The following CEP57 variants were observed in gnomAD, a reference collection of about 807,000 sequenced individuals.
CEP57 encodes centrosomal protein 57.
CEP57 carries 40 observed loss-of-function variants against 68.0 expected under a neutral mutation model. The ratio of observed to expected loss-of-function variants is 0.59; its 90% CI spans 0.46 to 0.77. CEP57 has a LOEUF of 0.77. Ranked by LOEUF, CEP57 falls within the 30% of genes least tolerant of loss-of-function variation. CEP57 has a pLI of 0.00. For missense variants in CEP57, 606 were observed against 580.7 expected (o/e 1.04, Z -0.45); for synonymous variants, 219 against 198.7 (o/e 1.10, Z -0.86).
At chr11:95,829,036 C>T (rs1479313955) in intron 9 of CEP57, 151 bp from the exon 10 acceptor site, 8 of 722,370 alleles carry the variant, frequency 1.1e-5, no homozygotes, top group Admixed American at 2.4e-5. Context: ...AGCAAGACTC[C>T]GTCTCAAAAA....
intron 2 of CEP57, among the ~76,000 whole-genome samples, chr11:95,800,476 A>G (rs1174384715): frequency 4.0e-5 from 6 of 151,592 alleles, no homozygotes; most frequent in African/African-American, 1.5e-4. Context: ...GCTCACTGCA[A>G]CCTCCGCCTC....
Position 95,831,128 on chromosome 11 carries a change from A to G in CEP57, c.1375A>G (p.Thr459Ala), listed in dbSNP as rs1215347242. 6.2e-7 allele frequency: 1 copy of G among 1,613,608 alleles called. No individual in the cohort carries two copies. The highest frequency in any genetic ancestry group is 8.5e-7 in the Non-Finnish European group (1 of 1,179,616). The change falls in exon 11 of 11, where the codon ACC becomes GCC. Residue 459 changes from threonine to alanine, a missense_variant. By Grantham distance (58) the Thr-to-Ala change is moderately conservative (BLOSUM62 0). Coordinates refer to ENST00000325542, the MANE Select transcript of CEP57 (RefSeq NM_014679.5). ...CAGCAGCCGTTCTGGAATCACAGGG[A>G]CCACAAATAAGAAAGATTTTATGAA... is the stretch of plus-strand genomic sequence containing the variant. ...NSSSRSGITG[T>A]TNKKDFMKLR... is the part of the protein sequence containing the mutation.
chr11:95,791,128 C>T (rs1037652839), intron 1 of CEP57, among the ~76,000 whole-genome samples: 2 of 152,154 alleles, frequency 1.3e-5, no homozygotes, highest in Admixed American at 6.5e-5. Context: ...GTGAGGCGCG[C>T]CAGTGTGTTT....
At chr11:95,807,521 T>G (rs1237176753) in intron 2 of CEP57, among the ~76,000 whole-genome samples, 3 of 152,102 alleles carry the variant, frequency 2.0e-5, no homozygotes, top group African/African-American at 7.2e-5. Context: ...GAGAAGACCT[T>G]AAATGACCTG....
intron 2 of CEP57, among the ~76,000 whole-genome samples, chr11:95,803,367 A>G (rs1428935389): frequency 1.3e-5 from 2 of 152,218 alleles, no homozygotes; most frequent in Non-Finnish European, 2.9e-5. Context: ...GACATCATCA[A>G]GGATACAGTA....
chr11:95,790,482 G>A (rs1860965588), upstream of CEP57: 1 of 602,740 alleles, frequency 1.7e-6, no homozygotes, highest in East Asian at 2.8e-5. Context: ...AAAGACGTCC[G>A]TTAGGACGTG....
chr11:95,822,872 G>GT, intron 8 of CEP57: 1 of 385,714 alleles, frequency 2.6e-6, no homozygotes, highest in Non-Finnish European at 4.9e-6. Context: ...ATAAGAAATA[G>GT]TATGTTTGTA....
At chr11:95,826,810 C>T (rs1862764874) in intron 8 of CEP57, 2 of 152,076 alleles carry the variant, frequency 1.3e-5, no homozygotes, top group South Asian at 2.1e-4. Flanking sequence ...GTGGTTACAT[C>T]GATTGATTTT....
chr11:95,831,576 C>A lies in CEP57; in HGVS notation c.*320C>A. 5.8e-6 allele frequency: 1 copy of A among 172,948 alleles called. No individual in the cohort carries two copies. 10.7% of individuals were successfully genotyped at this position (172,948 alleles called of 1,614,324 possible). ...GTGGGTGTGATTTTTTAAAATAGTT[C>A]TTTATATATAATTAAAATTAGGTTT... On this transcript the variant is annotated 3_prime_UTR_variant, in exon 11 of 11. Coordinates refer to ENST00000325542, the MANE Select transcript of CEP57 (RefSeq NM_014679.5).
At chr11:95,792,055 T>G (rs1191024559) in intron 1 of CEP57, among the ~76,000 whole-genome samples, 1 of 152,112 alleles carries the variant, frequency 6.6e-6, no homozygotes, top group African/African-American at 2.4e-5. Context: ...TTTGGAGACT[T>G]GTTAGAATTT....
At chr11:95,822,314 G>A in intron 7 of CEP57, 185 bp from the exon 8 acceptor site, 1 of 603,818 alleles carries the variant, frequency 1.7e-6, no homozygotes, top group Non-Finnish European at 2.9e-6. Flanking sequence ...TTTCCCCCCA[G>A]CCTTTCCTAG....
Position 95,831,241 on chromosome 11 carries a change from G to T in CEP57, c.1488G>T (p.Leu496Phe). Residue 496 changes from leucine to phenylalanine, a missense_variant, in exon 11 of 11, where the codon TTG becomes TTT. Coordinates refer to ENST00000325542, the MANE Select transcript of CEP57 (RefSeq NM_014679.5). ...AGAATTCATTACAAAGCAGTAGTTT[G>T]TGTTGGGATTACTGACTCATAACCA... ...SIQNSLQSSS[L>F]CWDY 1.9e-6 allele frequency: 3 copies of T among 1,612,190 alleles called. No individual in the cohort carries two copies. The highest frequency in any genetic ancestry group is 2.5e-6 in the Non-Finnish European group (3 of 1,178,446).
chr11:95,820,579 C>CAAAAAAAAAAAAAA (rs56260498), intron 6 of CEP57, among the ~76,000 whole-genome samples: 7 of 82,402 alleles, frequency 8.5e-5, no homozygotes, highest in Admixed American at 1.4e-4. Context: ...GCAACAAGAG[C>CAAAAAAAAAAAAAA]AAAAAAAAAA....
chr11:95,818,688 C>T (rs1862402946), intron 5 of CEP57, 139 bp from the exon 6 acceptor site: 2 of 669,074 alleles, frequency 3.0e-6, no homozygotes, highest in Non-Finnish European at 5.4e-6. Flanking sequence ...CCATCCAGCT[C>T]ACAGCCTCCA....
intron 2 of CEP57, among the ~76,000 whole-genome samples, chr11:95,801,342 A>G (rs1221792751): frequency 6.6e-6 from 1 of 152,006 alleles, no homozygotes; most frequent in Admixed American, 6.6e-5. Context: ...GAAAATTTTT[A>G]ATTAATGGTT....
rs761875185 is a variant in CEP57 at position 95,812,864 on chromosome 11, ATTCT to A, written c.203-62_203-59del. 14 of 1,399,626 alleles carry A rather than the reference ATTCT, an allele frequency of 1.0e-5. No individual in the cohort carries two copies. In the Admixed American group the frequency reaches 1.8e-4, roughly 18 times the overall value. The allele number at this position is 1,399,626 out of a possible 1,614,324, so 86.7% of individuals were successfully genotyped here. A position where few individuals can be genotyped will look rare whatever the true frequency, so the allele number is the denominator to read the frequency against. ...TTTTATTTTTTATTTAGATGAGTTT[ATTCT>A]TTCTTAATATACTTTCTCCGCATAT... On this transcript the variant is annotated intron_variant, in intron 2 of 10. Coordinates refer to ENST00000325542, the MANE Select transcript of CEP57 (RefSeq NM_014679.5).
Position 95,822,024 on chromosome 11 carries a change from T to C in CEP57, c.807+46T>C, listed in dbSNP as rs746321531. 12 of 1,306,754 alleles carry C rather than the reference T, an allele frequency of 9.2e-6. No individual in the cohort carries two copies. In the South Asian group the frequency reaches 9.6e-5, roughly 10 times the overall value. 80.9% of individuals were successfully genotyped at this position (1,306,754 alleles called of 1,614,324 possible). Reference sequence around the variant, plus strand: ...CAGGCAAAATGCTGATTACTTGGTATAGTTTATGTCAAAACACCCATAAAC... The same window carrying C: ...CAGGCAAAATGCTGATTACTTGGTACAGTTTATGTCAAAACACCCATAAAC... On this transcript the variant is annotated intron_variant, in intron 7 of 10. Transcript: ENST00000325542.
At chr11:95,818,015 G>A in intron 5 of CEP57, 112 bp downstream of exon 5, 1 of 728,388 alleles carries the variant, frequency 1.4e-6, no homozygotes, top group Admixed American at 2.1e-5. Flanking sequence ...TTATAATGAA[G>A]AAATATATTG....
chr11:95,824,739 G>A (rs1862667084), intron 8 of CEP57, among the ~76,000 whole-genome samples: 1 of 152,216 alleles, frequency 6.6e-6, no homozygotes, highest in Non-Finnish European at 1.5e-5. Context: ...TTTAAGGAAA[G>A]AGGAGACGGG....
Sources: gnomAD v4.1 joint callset for allele counts (sites outside exome capture counted in the v4.1 genomes callset) on GRCh38, gnomAD v4.1.1 for gene constraint, MANE v1.5 for transcripts, NCBI Gene and HGNC (gene_info 2026-07-23, HGNC 2026-07-21) for gene names.